The following TERF2IP variants were observed in gnomAD, a reference collection of about 807,000 sequenced individuals.
TERF2IP encodes the protein telomeric repeat-binding factor 2-interacting protein 1.
TERF2IP carries 35 observed loss-of-function variants against 33.3 expected under a neutral mutation model. The ratio of observed to expected loss-of-function variants is 1.05; its 90% CI spans 0.80 to 1.39. The LOEUF (loss-of-function observed/expected upper bound fraction) is 1.39. TERF2IP is among the 40% of genes most tolerant of loss of function. The probability of loss-of-function intolerance (pLI) is 0.00; values close to 1 mark genes in which losing one functional copy is unlikely to be tolerated. For missense variants in TERF2IP, 583 were observed against 524.8 expected (o/e 1.11, Z -1.08); for synonymous variants, 253 against 223.2 (o/e 1.13, Z -1.19).
At chr16:75,653,792 T>C (rs902591111) in intron 1 of TERF2IP, among the ~76,000 whole-genome samples, 2 of 152,178 alleles carry the variant, frequency 1.3e-5, no homozygotes, top group African/African-American at 2.4e-5. Context: ...GAGTTGCCCA[T>C]GGTTTTGGCT....
intron 2 of TERF2IP, among the ~76,000 whole-genome samples, chr16:75,654,600 T>G (rs1481220731): frequency 6.6e-6 from 1 of 152,168 alleles, no homozygotes; most frequent in Non-Finnish European, 1.5e-5. Flanking sequence ...GCTTTTAGTT[T>G]TTGGCAGGAC....
chr16:75,651,705 GAAGA>G (rs953143938), intron 1 of TERF2IP, among the ~76,000 whole-genome samples: 40 of 152,118 alleles, frequency 2.6e-4, no homozygotes, highest in African/African-American at 9.2e-4. Flanking sequence ...AAAAAAAGAA[GAAGA>G]AAGAAAGTAA....
In TERF2IP at chr16:75,647,837, G is replaced by C; in HGVS notation, c.-46G>C. ...TCAGTCAGTTGAGCTCTGTGTGCCA[G>C]GCGCTCGCGAGGGGGTAGCTCTTCT... On this transcript the variant is annotated 5_prime_UTR_variant, in exon 1 of 3. Coordinates refer to ENST00000300086, the MANE Select transcript of TERF2IP (RefSeq NM_018975.4). The C allele has an allele frequency of 6.3e-7, 1 of 1,596,434 alleles. No individual in the cohort carries two copies. The highest frequency in any genetic ancestry group is 1.1e-5 in the South Asian group (1 of 89,926).
At chr16:75,650,594 A>G in intron 1 of TERF2IP, among the ~76,000 whole-genome samples, 1 of 152,110 alleles carries the variant, frequency 6.6e-6, no homozygotes, top group East Asian at 1.9e-4. Flanking sequence ...GGAGTGCGGT[A>G]GTGCGATCAC....
intron 1 of TERF2IP, 149 bp downstream of exon 1, chr16:75,648,701 C>T: frequency 7.0e-7 from 1 of 1,432,360 alleles, no homozygotes; most frequent in Non-Finnish European, 9.1e-7. Flanking sequence ...GCACCATTTT[C>T]TTGCCTTCTC....
At chr16:75,648,729 T>C (rs1342183949) in intron 1 of TERF2IP, 177 bp downstream of exon 1, 2 of 1,424,092 alleles carry the variant, frequency 1.4e-6, no homozygotes, top group Admixed American at 2.9e-5. Context: ...TGTTGTTTAT[T>C]ATTGTTCTTT....
chr16:75,652,191 C>T (rs2082352714), intron 1 of TERF2IP, among the ~76,000 whole-genome samples: 1 of 152,212 alleles, frequency 6.6e-6, no homozygotes, highest in Non-Finnish European at 1.5e-5. Context: ...TTCCTAGGGG[C>T]AGCCTCTATT....
Position 75,656,540 on chromosome 16 carries a change from A to G in TERF2IP, c.1129A>G (p.Thr377Ala). The change falls in exon 3 of 3, where the codon ACC (threonine) becomes GCC (alanine). Residue 377 changes from threonine to alanine, a missense_variant. Physicochemically the swap from Thr to Ala is moderately conservative, Grantham distance 58. Coordinates refer to ENST00000300086, the MANE Select transcript of TERF2IP (RefSeq NM_018975.4). ...AGATTTGCAAAAAGATGATGAGGAT[A>G]CCAGAGAGGCATTGGTCAAAAAATT... ...DIDLQKDDED[T>A]REALVKKFGA... The G allele has an allele frequency of 1.9e-6, 3 of 1,614,114 alleles. No homozygotes were observed. The highest frequency in any genetic ancestry group is 2.5e-6 in the Non-Finnish European group (3 of 1,180,002).
rs554641599 is a variant in TERF2IP at position 75,647,992 on chromosome 16, C to T, written c.110C>T (p.Pro37Leu). The T allele has an allele frequency of 1.9e-6, 3 of 1,613,554 alleles. No homozygotes were observed. Among genetic ancestry groups the T allele is most frequent in the African/African-American group, 1.3e-5 (1 of 75,064 alleles). The stretch of plus-strand genomic sequence containing the variant: ...ATGTCCTTCTACGTGCGGCCCAGCC[C>T]GGCCAAGCGTCGGCTGTCGACGCTC... ...SSMSFYVRPS[P>L]AKRRLSTLIL... is the part of the protein sequence containing the mutation. The change falls in exon 1 of 3, where the codon CCG becomes CTG. Residue 37 changes from proline to leucine, a missense_variant. Physicochemically the swap from Pro to Leu is moderately conservative, Grantham distance 98. Coordinates refer to ENST00000300086, the MANE Select transcript of TERF2IP (RefSeq NM_018975.4).
chr16:75,647,927 C>T lies in TERF2IP; in HGVS notation c.45C>T (p.Thr15=). 1 of 1,612,218 alleles carries T rather than the reference C, an allele frequency of 6.2e-7. No homozygotes were observed. The highest frequency in any genetic ancestry group is 1.1e-5 in the South Asian group (1 of 91,022). The change falls in exon 1 of 3, where the codon ACC becomes ACT. Residue 15 remains threonine, a synonymous_variant. Transcript: ENST00000300086. The stretch of plus-strand genomic sequence containing the variant: ...TGGGCAAAGACCCCAACGGGCCCAC[C>T]CATTCCTCGACTCTGTTCGTGAGGG... The part of the protein sequence containing the change: ...MDLGKDPNGP[T]HSSTLFVRDD...
Position 75,656,364 on chromosome 16 carries a change from T to C in TERF2IP, c.953T>C (p.Ile318Thr). 6.2e-7 allele frequency: 1 copy of C among 1,614,192 alleles called. No homozygotes were observed. The part of the protein sequence containing the change: ...QPEVGAAIKI[I>T]RQLMEKFNLD... Reference sequence around the variant, plus strand: ...GAGGTGGGAGCTGCCATTAAGATCATTCGGCAGTTAATGGAGAAGTTTAAC... The same window carrying C: ...GAGGTGGGAGCTGCCATTAAGATCACTCGGCAGTTAATGGAGAAGTTTAAC... Residue 318 changes from isoleucine (I) to threonine (T), a missense_variant, in exon 3 of 3, where the codon ATT (isoleucine) becomes ACT (threonine). Ile to Thr is a moderately conservative substitution (Grantham distance 89, BLOSUM62 -1). Coordinates refer to ENST00000300086, the MANE Select transcript of TERF2IP (RefSeq NM_018975.4).
At chr16:75,648,730 A>G (rs979012951) in intron 1 of TERF2IP, 178 bp downstream of exon 1, 2 of 1,422,216 alleles carry the variant, frequency 1.4e-6, no homozygotes, top group Admixed American at 5.8e-5. Flanking sequence ...GTTGTTTATT[A>G]TTGTTCTTTT....
chr16:75,648,416 G>C lies in TERF2IP; in HGVS notation c.534G>C (p.Gln178His). The change falls in exon 1 of 3, where the codon CAG becomes CAC. Residue 178 changes from glutamine (Q) to histidine (H), a missense_variant. Coordinates refer to ENST00000300086, the MANE Select transcript of TERF2IP (RefSeq NM_018975.4). ...GCTCGCTCACGCAGCACTCGTGGCA[G>C]TCCCTGAAGGACCGCTACCTCAAGC... ...EKSSLTQHSW[Q>H]SLKDRYLKHL... The C allele has an allele frequency of 6.2e-7, 1 of 1,606,746 alleles. No homozygotes were observed. The highest frequency in any genetic ancestry group is 1.1e-5 in the South Asian group (1 of 89,452).
In TERF2IP at chr16:75,656,427, A is replaced by T; in HGVS notation, c.1016A>T (p.Asn339Ile). Residue 339 changes from asparagine to isoleucine, a missense_variant, in exon 3 of 3, where the codon AAT (asparagine) becomes ATT (isoleucine). Transcript: ENST00000300086. ...ACAGTTACACAGGCCTTCCTAAAAA[A>T]TAGTGGTGAGCTGGAGGCTACTTCC... ...LSTVTQAFLK[N>I]SGELEATSAF... is the part of the protein sequence containing the mutation. 1 of 1,614,210 alleles carries T rather than the reference A, an allele frequency of 6.2e-7. No homozygotes were observed. The highest frequency in any genetic ancestry group is 8.5e-7 in the Non-Finnish European group (1 of 1,180,026).
intron 1 of TERF2IP, 137 bp from the exon 2 acceptor site, chr16:75,654,136 G>A: frequency 2.9e-6 from 2 of 688,652 alleles, no homozygotes; most frequent in South Asian, 3.3e-5. Context: ...AAGAACAGAT[G>A]TCTTCTGATA....
chr16:75,650,909 T>C (rs1433124768), intron 1 of TERF2IP, among the ~76,000 whole-genome samples: 3 of 152,176 alleles, frequency 2.0e-5, no homozygotes, highest in Non-Finnish European at 2.9e-5. Flanking sequence ...AAAATTAAGC[T>C]GTATTCATCC....
chr16:75,649,004 C>T (rs1278675150), intron 1 of TERF2IP, among the ~76,000 whole-genome samples: 3 of 151,824 alleles, frequency 2.0e-5, no homozygotes, highest in Non-Finnish European at 2.9e-5. Context: ...TGGAACTACA[C>T]TCCCGCGCCA....
At chr16:75,653,462 C>T (rs540882424) in intron 1 of TERF2IP, among the ~76,000 whole-genome samples, 1 of 152,244 alleles carries the variant, frequency 6.6e-6, no homozygotes, top group Non-Finnish European at 1.5e-5. Context: ...TAGAACAATT[C>T]CATCACGAAA....
At position 75,656,283 on chromosome 16, in the gene TERF2IP, C is replaced by G. The variant is rs150990220; in HGVS notation, c.872C>G (p.Ser291Ter). 2.0e-5 allele frequency: 32 copies of G among 1,613,832 alleles called. No individual in the cohort carries two copies. The highest frequency in any genetic ancestry group is 2.7e-5 in the African/African-American group (2 of 74,834). ...DDDPPTPEED[S>*]ETQPDEEEEE... ...GATCCACCCACACCTGAGGAAGACT[C>G]AGAAACACAGCCTGATGAGGAGGAA... is the stretch of plus-strand genomic sequence containing the variant. The change falls in exon 3 of 3, where the codon TCA becomes TGA. Residue 291 changes from serine to a stop codon, truncating the protein, a stop_gained. Transcript: ENST00000300086. LOFTEE classifies it high-confidence loss of function.
Sources: allele counts gnomAD v4.1 joint callset (sites outside exome capture counted in the v4.1 genomes callset), GRCh38; gene constraint gnomAD v4.1.1; transcripts MANE v1.5; gene names NCBI Gene and HGNC (gene_info 2026-07-23, HGNC 2026-07-21).